Variants in SLC22A16 observed in about 807,000 individuals in gnomAD.
The protein encoded by SLC22A16 is WUGSC:RG331P03.1.
Under a neutral mutation model 52.9 loss-of-function variants are expected in SLC22A16, and 53 were observed. The observed-to-expected ratio is 1.00, with a 90% CI of 0.80 to 1.26. The LOEUF is 1.26. Among genes scored for constraint, SLC22A16 ranks in the 50% most tolerant of loss-of-function variants. SLC22A16 has a pLI of 0.00. For synonymous variants in SLC22A16, 291 were observed against 268.8 expected (o/e 1.08, Z -0.81); for missense variants, 726 against 704.0 (o/e 1.03, Z -0.35).
intron 6 of SLC22A16, among the ~76,000 whole-genome samples, chr6:110,433,316 CATCT>C (rs1774582767): frequency 6.6e-6 from 1 of 152,174 alleles, no homozygotes; most frequent in African/African-American, 2.4e-5. Context: ...TCCATCCATC[CATCT>C]AGATATCCAT....
intron 1 of SLC22A16, among the ~76,000 whole-genome samples, chr6:110,473,490 CCTTTTTTTTTTTTTTTTTT>C (rs1776334295): frequency 8.8e-6 from 1 of 113,306 alleles, no homozygotes; most frequent in Non-Finnish European, 1.7e-5. Context: ...TCCTGTTTTC[CCTTTTTTTTTTTTTTTTTT>C]TTTTTTTTTT....
chr6:110,435,712 A>G (rs1210519323), intron 6 of SLC22A16, 140 bp downstream of exon 6: 3 of 602,802 alleles, frequency 5.0e-6, no homozygotes, highest in Non-Finnish European at 8.7e-6. Flanking sequence ...CAAAATGAGT[A>G]TCAGCATGTC....
chr6:110,474,951 G>A (rs1414375072), intron 1 of SLC22A16: 1 of 519,024 alleles, frequency 1.9e-6, no homozygotes, highest in Admixed American at 1.9e-5. Context: ...TTACTGTAAG[G>A]ATGAGAAACT....
chr6:110,454,264 A>G (rs1308225981), intron 2 of SLC22A16, among the ~76,000 whole-genome samples: 2 of 152,138 alleles, frequency 1.3e-5, no homozygotes, highest in Non-Finnish European at 2.9e-5. Context: ...ATCTTGGCAC[A>G]TCCAGCAAGA....
chr6:110,454,832 T>A (rs1267619469), intron 2 of SLC22A16, among the ~76,000 whole-genome samples: 1 of 61,250 alleles, frequency 1.6e-5, no homozygotes, highest in Non-Finnish European at 2.9e-5. Flanking sequence ...TATTATATAA[T>A]ATATATATTA....
Position 110,435,846 on chromosome 6 carries a change from C to A in SLC22A16, c.1421+6G>T. 1 of 1,579,438 alleles carries A rather than the reference C, an allele frequency of 6.3e-7. No homozygotes were observed. Among genetic ancestry groups the A allele is most frequent in the Non-Finnish European group, 8.6e-7 (1 of 1,157,808 alleles). On this transcript the variant is annotated splice_donor_region_variant and intron_variant, in intron 6 of 7. Transcript: ENST00000368919. ...GGAAAACAACCAGAAAACAATTCAT[C>A]CTTACCTTACAATGGTTGGATACAG...
intron 1 of SLC22A16, 31 bp from the exon 2 acceptor site, chr6:110,457,048 C>G (rs1775690223): frequency 6.6e-7 from 1 of 1,513,102 alleles, no homozygotes; most frequent in Non-Finnish European, 8.8e-7. Context: ...ATTATTATAT[C>G]TGGTCTATAG....
intron 4 of SLC22A16, among the ~76,000 whole-genome samples, chr6:110,440,991 A>G (rs143436048): frequency 2.0e-5 from 3 of 152,312 alleles, no homozygotes; most frequent in African/African-American, 7.2e-5. Context: ...ACAAACATCA[A>G]ATTTATGGTG....
chr6:110,440,225 G>C (rs1280468382), intron 4 of SLC22A16: 1 of 152,200 alleles, frequency 6.6e-6, no homozygotes, highest in Admixed American at 6.5e-5. Flanking sequence ...CTGCAGCCCA[G>C]AACTCCTGGG....
At chr6:110,429,197 T>C (rs532950877) in intron 7 of SLC22A16, among the ~76,000 whole-genome samples, 2 of 152,112 alleles carry the variant, frequency 1.3e-5, no homozygotes, top group South Asian at 4.2e-4. Flanking sequence ...TCTAGAAAAG[T>C]TCATGACCTA....
In SLC22A16 at chr6:110,431,215, G is replaced by A; in HGVS notation, c.1477C>T (p.Pro493Ser). The A allele has an allele frequency of 6.2e-7, 1 of 1,613,710 alleles. No individual in the cohort carries two copies. The highest frequency in any genetic ancestry group is 8.5e-7 in the Non-Finnish European group (1 of 1,180,006). Residue 493 changes from proline to serine, a missense_variant, in exon 7 of 8, where the codon CCG becomes TCG. Pro to Ser is a moderately conservative substitution (Grantham distance 74, BLOSUM62 -1). Transcript: ENST00000368919. Reference protein sequence around the residue: ...MVCRLASILAPFSVDLSSIWI... With the variant: ...MVCRLASILASFSVDLSSIWI... ...ATGCTGCTGAGGTCCACAGAGAACGGCGCCAGGATGCTGGCCAGGCGACAC... is the reference window on the plus strand; with the variant it reads ...ATGCTGCTGAGGTCCACAGAGAACGACGCCAGGATGCTGGCCAGGCGACAC...
At chr6:110,435,731 A>G (rs933222620) in intron 6 of SLC22A16, 121 bp downstream of exon 6, 2 of 662,348 alleles carry the variant, frequency 3.0e-6, no homozygotes, top group Admixed American at 2.8e-5. Context: ...TCATTTTCCC[A>G]TCTCAGAGAT....
At chr6:110,430,503 G>C (rs549169270) in intron 7 of SLC22A16, among the ~76,000 whole-genome samples, 4 of 152,042 alleles carry the variant, frequency 2.6e-5, no homozygotes, top group Non-Finnish European at 5.9e-5. Context: ...AGAGGGAGGA[G>C]CTGCAGGCTG....
Position 110,463,424 on chromosome 6 carries a change from G to A in SLC22A16, c.54-6407C>T, listed in dbSNP as rs143144063. Among the ~76,000 whole-genome samples, 667 of 134,288 alleles carry A rather than the reference G, an allele frequency of 5.0e-3. 5 individuals are homozygous for A. The highest frequency in any genetic ancestry group is 7.5e-3 in the Non-Finnish European group (482 of 64,262). The allele number at this position is 134,288 out of a possible 152,430, so 88.1% of individuals were successfully genotyped here. On this transcript the variant is annotated intron_variant, in intron 1 of 7. Coordinates refer to ENST00000368919, the MANE Select transcript of SLC22A16 (RefSeq NM_033125.4). ...TACCCATAGCCTAAAGTAAAGGGGGGTAAAAAGATATGTCATGCAAATGGA... is the reference window on the plus strand; with the variant it reads ...TACCCATAGCCTAAAGTAAAGGGGGATAAAAAGATATGTCATGCAAATGGA...
rs781524884 is a variant in SLC22A16, at chr6:110,456,770, A to C, written c.301T>G (p.Cys101Gly). The change falls in exon 2 of 8, where the codon TGT (cysteine) becomes GGT (glycine). Residue 101 changes from cysteine to glycine, a missense_variant. Transcript: ENST00000368919. ...QNGEIWELSRCSRNKRENTSS... is the reference protein window; with the variant it reads ...QNGEIWELSRGSRNKRENTSS... ...GTGTTCTCCCTCTTATTCCTGCTAC[A>C]CCTTGAGAGCTCCCAGATCTCACCA... 6.2e-7 allele frequency: 1 copy of C among 1,614,158 alleles called. No individual in the cohort carries two copies.
intron 2 of SLC22A16, among the ~76,000 whole-genome samples, chr6:110,455,038 A>G (rs1201687297): frequency 1.6e-5 from 2 of 128,350 alleles, no homozygotes; most frequent in African/African-American, 5.9e-5. Flanking sequence ...TCACTAATAT[A>G]TTTTTTATTT....
At chr6:110,426,370 T>C (rs895133879) in intron 7 of SLC22A16, among the ~76,000 whole-genome samples, 7 of 152,120 alleles carry the variant, frequency 4.6e-5, no homozygotes, top group Non-Finnish European at 7.4e-5. Flanking sequence ...GTAGTAAGCC[T>C]AGTCAGGCAG....
rs367754138 is a variant in SLC22A16 at position 110,451,863 on chromosome 6, TA to T, written c.533+4674del. On this transcript the variant is annotated intron_variant, in intron 2 of 7. Transcript: ENST00000368919. ...CCATTAGGTCCTGAAAATATTCTCC[TA>T]AATTATCTTCCTAAAATCGTATAGT... is the stretch of plus-strand genomic sequence containing the variant. 8.8e-4 allele frequency among the ~76,000 whole-genome samples: 134 copies of T among 152,354 alleles called. No individual in the cohort carries two copies. The South Asian group carries it at 0.028, about 31-fold the overall frequency.
At chr6:110,450,187 A>G (rs1361397998) in intron 2 of SLC22A16, among the ~76,000 whole-genome samples, 1 of 148,080 alleles carries the variant, frequency 6.8e-6, no homozygotes, top group African/African-American at 2.5e-5. Flanking sequence ...TTAAAAAAAA[A>G]GGAGGGGGGG....
Sources: allele counts gnomAD v4.1 joint callset (sites outside exome capture counted in the v4.1 genomes callset), GRCh38; gene constraint gnomAD v4.1.1; transcripts MANE v1.5; gene names NCBI Gene and HGNC (gene_info 2026-07-23, HGNC 2026-07-21).